DNPEP: variants seen among roughly 807,000 people sequenced by gnomAD.
DNPEP encodes aspartyl aminopeptidase.
DNPEP carries 46 observed loss-of-function variants against 59.1 expected under a neutral mutation model. The ratio of observed to expected loss-of-function variants is 0.78; its 90% CI spans 0.61 to 0.99. DNPEP has a LOEUF of 0.99. Among genes scored for constraint, DNPEP ranks in the 50% least tolerant of loss-of-function variants. The pLI, the probability that DNPEP is intolerant of heterozygous loss-of-function variation, is 0.00. For missense variants in DNPEP, 617 were observed against 649.9 expected (o/e 0.95, Z 0.55); for synonymous variants, 229 against 242.2 (o/e 0.95, Z 0.50).
chr2:219,376,531 T>C (rs1489314274), intron 13 of DNPEP, among the ~76,000 whole-genome samples: 2 of 151,894 alleles, frequency 1.3e-5, no homozygotes, highest in Non-Finnish European at 2.9e-5. Flanking sequence ...AGGAAAAATC[T>C]TTCTTTGTCA....
At chr2:219,386,257 G>C in intron 5 of DNPEP, 29 bp downstream of exon 5, 1 of 1,613,874 alleles carries the variant, frequency 6.2e-7, no homozygotes, top group African/African-American at 1.3e-5. Flanking sequence ...TTCTGAGGAG[G>C]CTCCGCCATC....
chr2:219,373,116 T>C lies in DNPEP; in HGVS notation c.*1176A>G, dbSNP rs1953242999. 6.6e-6 allele frequency among the ~76,000 whole-genome samples: 1 copy of C among 151,926 alleles called. No individual in the cohort carries two copies. The highest frequency in any genetic ancestry group is 6.6e-5 in the Admixed American group (1 of 15,246). On this transcript the variant is annotated 3_prime_UTR_variant, in exon 15 of 15. Coordinates refer to ENST00000273075, the MANE Select transcript of DNPEP (RefSeq NM_012100.4). ...AGAGTTTCACCCTTGTTGCCCAGGC[T>C]AGAGTGCAATGGCAGGATCTTGGCT...
rs1265662335 is a variant in DNPEP, at chr2:219,373,038, G to A, written c.*1254C>T. Among the ~76,000 whole-genome samples, 1 of 151,856 alleles carries A rather than the reference G, an allele frequency of 6.6e-6. No individual in the cohort carries two copies. The highest frequency in any genetic ancestry group is 1.5e-5 in the Non-Finnish European group (1 of 67,956). ...ACAATTATTTTAGTGGAAGGAAGGA[G>A]GTTGGTTTATAAGCAGGCTTTGACT... On this transcript the variant is annotated 3_prime_UTR_variant, in exon 15 of 15. Coordinates refer to ENST00000273075, the MANE Select transcript of DNPEP (RefSeq NM_012100.4).
intron 13 of DNPEP, among the ~76,000 whole-genome samples, chr2:219,379,689 G>A (rs965020991): frequency 5.3e-5 from 8 of 152,078 alleles, no homozygotes; most frequent in Non-Finnish European, 1.0e-4. Context: ...TTGGGAGGCC[G>A]AGGCGGGCGG....
chr2:219,399,876 C>T (rs1250349949), intron 1 of DNPEP: 1 of 1,550,508 alleles, frequency 6.4e-7, no homozygotes, highest in East Asian at 2.4e-5. Flanking sequence ...CTTGTGGTAG[C>T]CATTGAGCCA....
rs778939895 is a variant in DNPEP at position 219,385,628 on chromosome 2, T to G, written c.666+3A>C. 55 of 1,612,898 alleles carry G rather than the reference T, an allele frequency of 3.4e-5. No homozygotes were observed. Among genetic ancestry groups the G allele is most frequent in the Non-Finnish European group, 4.6e-5 (54 of 1,179,436 alleles). ...CCTCCCCATGATCAGGAGACTCTCTTACCACAGCATTGAGAGGCCCTGGCT... is the reference window on the plus strand; with the variant it reads ...CCTCCCCATGATCAGGAGACTCTCTGACCACAGCATTGAGAGGCCCTGGCT... On this transcript the variant is annotated splice_donor_region_variant and intron_variant, in intron 7 of 14. Coordinates refer to ENST00000273075, the MANE Select transcript of DNPEP (RefSeq NM_012100.4).
upstream of DNPEP, chr2:219,387,979 C>A (rs1356560149): frequency 3.7e-5 from 48 of 1,286,496 alleles, no homozygotes; most frequent in South Asian, 7.4e-4. Context: ...TCGGCATCCG[C>A]CCCGCCCACC....
chr2:219,381,998 C>A lies in DNPEP; in HGVS notation c.1078G>T (p.Ala360Ser). The A allele has an allele frequency of 6.2e-7, 1 of 1,614,234 alleles. No homozygotes were observed. The highest frequency in any genetic ancestry group is 8.5e-7 in the Non-Finnish European group (1 of 1,180,044). ...ACTCACAGGTAGTTGGGATGCACAG[C>A]ATGGGCCATGTCTGCGCTGATCATG... ...SFMISADMAH[A>S]VHPNYLDKHE... Residue 360 changes from alanine (A) to serine (S), a missense_variant, in exon 11 of 15, where the codon GCT (alanine) becomes TCT (serine). Physicochemically the swap from Ala to Ser is moderately conservative, Grantham distance 99 (BLOSUM62 1). Coordinates refer to ENST00000273075, the MANE Select transcript of DNPEP (RefSeq NM_012100.4).
chr2:219,386,780 TGAG>T lies in DNPEP; in HGVS notation c.220-5_220-3del, dbSNP rs764559781. 24 of 1,612,878 alleles carry T rather than the reference TGAG, an allele frequency of 1.5e-5. No individual in the cohort carries two copies. The Admixed American group carries it at 2.8e-4, about 19-fold the overall frequency. ...GGAGGAGTTCCTGGTCATGAAGTAC[TGAG>T]GAGAAGGGGAGGAAAGACAGGGGTG... is the stretch of plus-strand genomic sequence containing the variant. On this transcript the variant is annotated splice_region_variant and splice_polypyrimidine_tract_variant and intron_variant, in intron 3 of 14. Transcript: ENST00000273075.
intron 10 of DNPEP, among the ~76,000 whole-genome samples, chr2:219,382,604 AG>A (rs1348670893): frequency 6.6e-6 from 1 of 152,194 alleles, no homozygotes; most frequent in East Asian, 1.9e-4. Flanking sequence ...CCTTAAAGCC[AG>A]GGGGTGTCTA....
Position 219,387,912 on chromosome 2 carries a change from C to T in DNPEP, c.-118G>A. 2.2e-6 allele frequency: 3 copies of T among 1,377,744 alleles called. No homozygotes were observed. The highest frequency in any genetic ancestry group is 2.8e-6 in the Non-Finnish European group (3 of 1,069,008). The allele number at this position is 1,377,744 out of a possible 1,614,324, so 85.3% of individuals were successfully genotyped here. A position where few individuals can be genotyped will look rare whatever the true frequency, so the allele number is the denominator to read the frequency against. The stretch of plus-strand genomic sequence containing the variant: ...GCACTCGTAGGCCTTCATCACGCTT[C>T]CCCGGCCGCGCCGCCCCGCCCCATG... On this transcript the variant is annotated 5_prime_UTR_variant, in exon 1 of 15. Transcript: ENST00000273075.
At chr2:219,399,727 G>A (rs1954155472) in intron 1 of DNPEP, 1 of 682,486 alleles carries the variant, frequency 1.5e-6, no homozygotes, top group Non-Finnish European at 2.6e-6. Context: ...TGGTTTGTTA[G>A]CAGACTGAGA....
chr2:219,382,173 G>C, intron 10 of DNPEP, 34 bp from the exon 11 acceptor site: 1 of 1,591,966 alleles, frequency 6.3e-7, no homozygotes, highest in East Asian at 2.2e-5. Flanking sequence ...CTGGGAATCT[G>C]GGCTTAGGGG....
chr2:219,387,663 C>A, intron 1 of DNPEP, 96 bp downstream of exon 1: 1 of 1,569,888 alleles, frequency 6.4e-7, no homozygotes, highest in Non-Finnish European at 8.6e-7. Flanking sequence ...TTGGGTCAGG[C>A]GGCCCCACTG....
intron 8 of DNPEP, chr2:219,384,740 T>C (rs951539636): frequency 3.8e-6 from 1 of 264,816 alleles, no homozygotes. Context: ...AGCTAATTTT[T>C]GTATTTTTAT....
intron 1 of DNPEP, chr2:219,387,485 C>A (rs1316281699): frequency 1.4e-6 from 2 of 1,437,348 alleles, no homozygotes; most frequent in East Asian, 5.1e-5. Context: ...GGGCCCCATA[C>A]TCTGAGGCGG....
upstream of DNPEP, among the ~76,000 whole-genome samples, chr2:219,390,465 AAG>A (rs1953998485): frequency 6.6e-6 from 1 of 152,240 alleles, no homozygotes; most frequent in African/African-American, 2.4e-5. Context: ...AAAAAAGTAA[AAG>A]GGCTATATTT....
chr2:219,388,724 A>G (rs1209377814), upstream of DNPEP: 1 of 985,538 alleles, frequency 1.0e-6, no homozygotes, highest in East Asian at 1.1e-4. Flanking sequence ...GTACGGTACA[A>G]AGTGCTGTCT....
intron 1 of DNPEP, among the ~76,000 whole-genome samples, chr2:219,395,363 T>G (rs1475205904): frequency 6.6e-6 from 1 of 152,172 alleles, no homozygotes; most frequent in Non-Finnish European, 1.5e-5. Context: ...ACCTGCTCCC[T>G]AACAACCTCT....
Sources: gnomAD v4.1 joint callset for allele counts (sites outside exome capture counted in the v4.1 genomes callset) on GRCh38, gnomAD v4.1.1 for gene constraint, MANE v1.5 for transcripts, NCBI Gene and HGNC (gene_info 2026-07-23, HGNC 2026-07-21) for gene names.